MGAT4C: variants seen among roughly 807,000 people sequenced by gnomAD.
The protein encoded by MGAT4C is alpha-1,3-mannosyl-glycoprotein 4-beta-N-acetylglucosaminyltransferase C.
A neutral mutation model predicts 40.1 loss-of-function variants in MGAT4C; 19 were observed. The observed-to-expected ratio is 0.47, with a 90% CI of 0.33 to 0.70. The LOEUF (loss-of-function observed/expected upper bound fraction) is 0.70, where lower values mean the gene tolerates loss of function less well. MGAT4C is among the 30% of genes least tolerant of loss of function. The pLI is 0.02. For synonymous variants in MGAT4C, 181 were observed against 187.1 expected (o/e 0.97, Z 0.27); for missense variants, 491 against 563.2 (o/e 0.87, Z 1.30).
rs1883464925 is a variant in MGAT4C, at chr12:85,968,449, G to A, written c.*10840C>T. On this transcript the variant is annotated 3_prime_UTR_variant, in exon 5 of 5. Coordinates refer to ENST00000611864, the MANE Select transcript of MGAT4C (RefSeq NM_001351288.2). ...AAAACGAGAGTCCCAGATTCAATAGGAAGGCATGCAGAGTGTTCTCTATAA... is the reference window on the plus strand; with the variant it reads ...AAAACGAGAGTCCCAGATTCAATAGAAAGGCATGCAGAGTGTTCTCTATAA... 6.6e-6 allele frequency: 1 copy of A among 151,908 alleles called. No homozygotes were observed. Among genetic ancestry groups the A allele is most frequent in the Admixed American group, 6.6e-5 (1 of 15,208 alleles). 9.4% of individuals were successfully genotyped at this position (151,908 alleles called of 1,614,324 possible).
intron 2 of MGAT4C, among the ~76,000 whole-genome samples, chr12:86,642,005 A>T (rs1963404918): frequency 6.6e-6 from 1 of 151,842 alleles, no homozygotes; most frequent in Non-Finnish European, 1.5e-5. Flanking sequence ...ACCATGTTTG[A>T]GTCAGGAGGA....
chr12:86,833,955 C>T (rs753647834), intron 1 of MGAT4C, among the ~76,000 whole-genome samples: 1 of 151,660 alleles, frequency 6.6e-6, no homozygotes, highest in East Asian at 1.9e-4. Flanking sequence ...GCTTATTTTA[C>T]TTAGCATAAT....
At chr12:86,157,186 T>C (rs552430082) in intron 1 of MGAT4C, among the ~76,000 whole-genome samples, 4 of 152,280 alleles carry the variant, frequency 2.6e-5, no homozygotes, top group African/African-American at 9.6e-5. Flanking sequence ...TTTATAATTT[T>C]TTTTAACGGA....
intron 1 of MGAT4C, among the ~76,000 whole-genome samples, chr12:86,192,098 TG>T (rs1889575179): frequency 1.3e-5 from 1 of 74,528 alleles, no homozygotes; most frequent in Non-Finnish European, 2.4e-5. Context: ...TGTTGTGGGG[TG>T]GGGGGAGGGG....
chr12:86,418,275 G>A (rs1021782953), intron 3 of MGAT4C, among the ~76,000 whole-genome samples: 10 of 152,090 alleles, frequency 6.6e-5, no homozygotes, highest in African/African-American at 2.4e-4. Context: ...TTATGCTAGA[G>A]TGGTTGATGG....
intron 2 of MGAT4C, among the ~76,000 whole-genome samples, chr12:86,621,825 G>T (rs1272434532): frequency 6.6e-6 from 1 of 152,166 alleles, no homozygotes; most frequent in African/African-American, 2.4e-5. Flanking sequence ...TGATGGAAAA[G>T]CCATATGCAT....
rs774190951 is a variant in MGAT4C at position 85,968,543 on chromosome 12, C to T, written c.*10746G>A. ...GTACAACAATAATAGTATTGAAATACCTAAAAAGGGCAGGAAACAACACAG... is the reference window on the plus strand; with the variant it reads ...GTACAACAATAATAGTATTGAAATATCTAAAAAGGGCAGGAAACAACACAG... On this transcript the variant is annotated 3_prime_UTR_variant, in exon 5 of 5. Transcript: ENST00000611864. The T allele has an allele frequency of 6.6e-6, 1 of 151,810 alleles. No individual in the cohort carries two copies. Among genetic ancestry groups the T allele is most frequent in the Non-Finnish European group, 1.5e-5 (1 of 67,884 alleles). 9.4% of individuals were successfully genotyped at this position (151,810 alleles called of 1,614,324 possible). A position where few individuals can be genotyped will look rare whatever the true frequency, so the allele number is the denominator to read the frequency against.
At chr12:86,191,656 CA>C (rs1318408066) in intron 1 of MGAT4C, among the ~76,000 whole-genome samples, 3 of 147,446 alleles carry the variant, frequency 2.0e-5, no homozygotes, top group African/African-American at 7.4e-5. Context: ...CACACACACA[CA>C]CACACACACA....
chr12:86,373,616 T>C (rs1955763230), intron 3 of MGAT4C, among the ~76,000 whole-genome samples: 1 of 151,872 alleles, frequency 6.6e-6, no homozygotes, highest in Non-Finnish European at 1.5e-5. Flanking sequence ...AAATATTGAT[T>C]ATAGGGAAAT....
intron 3 of MGAT4C, among the ~76,000 whole-genome samples, chr12:86,428,182 C>A (rs1185819377): frequency 6.6e-6 from 1 of 152,100 alleles, no homozygotes; most frequent in Non-Finnish European, 1.5e-5. Flanking sequence ...TAGATTATTT[C>A]ATTTAATTAT....
intron 2 of MGAT4C, among the ~76,000 whole-genome samples, chr12:86,038,234 G>A (rs1419230991): frequency 6.7e-6 from 1 of 149,822 alleles, no homozygotes; most frequent in South Asian, 2.1e-4. Flanking sequence ...TGTTCTTCTA[G>A]TTTAAGCTAG....
At chr12:86,370,001 T>C (rs1047003977) in intron 3 of MGAT4C, among the ~76,000 whole-genome samples, 4 of 152,028 alleles carry the variant, frequency 2.6e-5, no homozygotes, top group African/African-American at 9.7e-5. Context: ...TAGTTCATTA[T>C]TATTTTGTTT....
intron 2 of MGAT4C, among the ~76,000 whole-genome samples, chr12:86,603,383 T>C (rs1268920598): frequency 7.7e-6 from 1 of 129,784 alleles, no homozygotes; most frequent in Non-Finnish European, 1.6e-5. Context: ...CTATATATAC[T>C]ATACTATATA....
At chr12:86,369,455 G>A (rs1592753092) in intron 3 of MGAT4C, among the ~76,000 whole-genome samples, 3 of 151,682 alleles carry the variant, frequency 2.0e-5, no homozygotes, top group Admixed American at 1.3e-4. Flanking sequence ...TTTCTGTAGT[G>A]ATATTCTTTC....
chr12:86,169,072 C>T (rs1489859444), intron 1 of MGAT4C, among the ~76,000 whole-genome samples: 1 of 152,002 alleles, frequency 6.6e-6, no homozygotes, highest in South Asian at 2.1e-4. Flanking sequence ...AATTCAGGCG[C>T]CAGAAGTTTT....
At chr12:86,666,992 A>G (rs1242070369) in intron 2 of MGAT4C, among the ~76,000 whole-genome samples, 1 of 152,182 alleles carries the variant, frequency 6.6e-6, no homozygotes, top group African/African-American at 2.4e-5. Flanking sequence ...AAGGGATTAT[A>G]CAAGGTATGT....
chr12:85,958,034 T>A lies in MGAT4C; in HGVS notation c.*21255A>T, dbSNP rs1266243592. The A allele has an allele frequency of 3.0e-5, 3 of 101,624 alleles. No individual in the cohort carries two copies. In the East Asian group the frequency reaches 6.0e-4, roughly 20 times the overall value. 6.3% of individuals were successfully genotyped at this position (101,624 alleles called of 1,614,324 possible). On this transcript the variant is annotated 3_prime_UTR_variant, in exon 5 of 5. Transcript: ENST00000611864. Reference sequence around the variant, plus strand: ...GAATTGTTTACAGTTTTTCTAAGTGTTTTTGTGTGTGTGTGTGTGTGTGTG... The same window carrying A: ...GAATTGTTTACAGTTTTTCTAAGTGATTTTGTGTGTGTGTGTGTGTGTGTG...
intron 1 of MGAT4C, among the ~76,000 whole-genome samples, chr12:86,093,192 TCAAAA>T (rs977014410): frequency 1.1e-4 from 16 of 152,268 alleles, no homozygotes; most frequent in African/African-American, 3.8e-4. Flanking sequence ...CTGTTCCCCT[TCAAAA>T]CATCACTTCC....
intron 3 of MGAT4C, among the ~76,000 whole-genome samples, chr12:86,418,101 CT>C (rs1454123318): frequency 2.0e-5 from 3 of 151,902 alleles, no homozygotes; most frequent in Non-Finnish European, 4.4e-5. Context: ...TTTGCACAAA[CT>C]TTTTTTAGCT....
Sources: allele counts gnomAD v4.1 joint callset (sites outside exome capture counted in the v4.1 genomes callset), GRCh38; gene constraint gnomAD v4.1.1; transcripts MANE v1.5; gene names NCBI Gene and HGNC (gene_info 2026-07-23, HGNC 2026-07-21).